LRRC7: variants seen among roughly 807,000 people sequenced by gnomAD.
The protein encoded by LRRC7 is leucine-rich repeat-containing protein 7.
Under a neutral mutation model 175.7 loss-of-function variants are expected in LRRC7, and 23 were observed. The ratio of observed to expected loss-of-function variants is 0.13; its 90% CI spans 0.09 to 0.19. The LOEUF is 0.19. LRRC7 is among the 10% of genes least tolerant of loss of function. LRRC7 has a pLI of 1.00. For missense variants in LRRC7, 1,354 were observed against 1,904.7 expected, an observed-to-expected ratio of 0.71 and a Z score of 5.38; for synonymous variants, 685 against 680.9, an observed-to-expected ratio of 1.01 and a Z score of -0.09.
chr1:69,808,854 T>C (rs753288531), intron 4 of LRRC7, among the ~76,000 whole-genome samples: 1 of 151,844 alleles, frequency 6.6e-6, no homozygotes, highest in East Asian at 1.9e-4. Flanking sequence ...TTAAGAGAAC[T>C]GGAGAAGCAA....
rs1240184272 is a variant in LRRC7 at position 70,076,221 on chromosome 1, G to T, written c.4375G>T (p.Ala1459Ser). 1 of 1,614,040 alleles carries T rather than the reference G, an allele frequency of 6.2e-7. No individual in the cohort carries two copies. Among genetic ancestry groups the T allele is most frequent in the Non-Finnish European group, 8.5e-7 (1 of 1,179,966 alleles). Reference protein sequence around the residue: ...PLPIQIPSSQATRGPQPGRCL... With the variant: ...PLPIQIPSSQSTRGPQPGRCL... ...GCCTATTCAGATCCCCTCTTCACAG[G>T]CCACCCGGGGACCTCAGCCTGGACG... The change falls in exon 24 of 27, where the codon GCC becomes TCC. Residue 1459 changes from alanine (A) to serine (S), a missense_variant. By Grantham distance (99) the Ala-to-Ser change is moderately conservative. Coordinates refer to ENST00000651989, the MANE Select transcript of LRRC7 (RefSeq NM_001370785.2).
intron 23 of LRRC7, among the ~76,000 whole-genome samples, chr1:70,075,224 G>A (rs981920082): frequency 2.0e-5 from 3 of 152,044 alleles, no homozygotes; most frequent in African/African-American, 7.2e-5. Context: ...GCATATTCTG[G>A]CTTACCAGCT....
At chr1:69,974,946 A>G (rs530261276) in intron 8 of LRRC7, among the ~76,000 whole-genome samples, 3 of 152,312 alleles carry the variant, frequency 2.0e-5, no homozygotes, top group African/African-American at 4.8e-5. Flanking sequence ...ATCTGCAGTT[A>G]TGTAAACTTC....
Position 70,143,196 on chromosome 1 carries a change from A to AGAC in LRRC7, c.*21310_*21312dup, listed in dbSNP as rs1571416646. 6.7e-6 allele frequency: 1 copy of AGAC among 149,778 alleles called. No individual in the cohort carries two copies. Among genetic ancestry groups the AGAC allele is most frequent in the Non-Finnish European group, 1.5e-5 (1 of 67,570 alleles). 9.3% of individuals were successfully genotyped at this position (149,778 alleles called of 1,614,324 possible). On this transcript the variant is annotated 3_prime_UTR_variant, in exon 27 of 27. Coordinates refer to ENST00000651989, the MANE Select transcript of LRRC7 (RefSeq NM_001370785.2). ...TATTTTAGTAAAATGAAGAGTCTCT[A>AGAC]GACTTTTTTTTTTTTTTTAATGATC...
At chr1:69,711,170 G>A (rs1664707039) in intron 2 of LRRC7, among the ~76,000 whole-genome samples, 1 of 152,162 alleles carries the variant, frequency 6.6e-6, no homozygotes, top group South Asian at 2.1e-4. Context: ...CCCTTGCTGA[G>A]GATGGCTGTG....
intron 7 of LRRC7, among the ~76,000 whole-genome samples, chr1:69,927,658 T>G (rs2101758692): frequency 6.6e-6 from 1 of 152,376 alleles, no homozygotes; most frequent in Non-Finnish European, 1.5e-5. Flanking sequence ...TTCAGCTCCA[T>G]CAGCTCCTTT....
At chr1:69,830,970 A>T (rs1166231452) in intron 5 of LRRC7, among the ~76,000 whole-genome samples, 2 of 151,972 alleles carry the variant, frequency 1.3e-5, no homozygotes, top group Non-Finnish European at 2.9e-5. Context: ...GTTCTATGTA[A>T]TAAGCCAGAT....
At chr1:69,798,503 TA>T (rs1255834537) in intron 4 of LRRC7, among the ~76,000 whole-genome samples, 1 of 152,190 alleles carries the variant, frequency 6.6e-6, no homozygotes, top group Non-Finnish European at 1.5e-5. Flanking sequence ...AAATGCTTGA[TA>T]GCTACATTAA....
intron 2 of LRRC7, among the ~76,000 whole-genome samples, chr1:69,696,464 C>T (rs1662597603): frequency 6.6e-6 from 1 of 152,038 alleles, no homozygotes; most frequent in East Asian, 1.9e-4. Flanking sequence ...GGACTTGGGA[C>T]TTTTGAATGA....
chr1:69,628,783 G>A (rs992808232), intron 1 of LRRC7, among the ~76,000 whole-genome samples: 1 of 152,146 alleles, frequency 6.6e-6, no homozygotes, highest in Non-Finnish European at 1.5e-5. Context: ...AAATAGATCA[G>A]TGGAACAGAA....
rs117698308 is a variant in LRRC7, at chr1:69,686,707, A to G, written c.100+8229A>G. Among the ~76,000 whole-genome samples, 147 of 152,268 alleles carry G rather than the reference A, an allele frequency of 9.7e-4. 4 individuals are homozygous for G. The East Asian group carries it at 0.026, about 27-fold the overall frequency. On this transcript the variant is annotated intron_variant, in intron 2 of 26. Transcript: ENST00000651989. ...AAACAAGAAACCAAGAGAACAGAACAGAAAACAAATAATAAAATTAGATGT... is the reference window on the plus strand; with the variant it reads ...AAACAAGAAACCAAGAGAACAGAACGGAAAACAAATAATAAAATTAGATGT...
chr1:69,923,706 T>G (rs1570670889), intron 7 of LRRC7, among the ~76,000 whole-genome samples: 1 of 152,134 alleles, frequency 6.6e-6, no homozygotes, highest in South Asian at 2.1e-4. Context: ...ATATTAGCCC[T>G]TTGTCAGATG....
At position 70,095,733 on chromosome 1, in the gene LRRC7, C is replaced by T. The variant is rs555973262; in HGVS notation, c.4545+5914C>T. ...GGGCATAAATGTGAAAAAGTAAGGT[C>T]ACTAAAAAGTATCAGTGTAAAGCTA... On this transcript the variant is annotated intron_variant, in intron 25 of 26. Transcript: ENST00000651989. Among the ~76,000 whole-genome samples, 4 of 152,126 alleles carry T rather than the reference C, an allele frequency of 2.6e-5. No homozygotes were observed. The South Asian group carries it at 8.3e-4, about 32-fold the overall frequency.
At chr1:69,778,520 C>T (rs1673073234) in intron 3 of LRRC7, among the ~76,000 whole-genome samples, 1 of 152,154 alleles carries the variant, frequency 6.6e-6, no homozygotes, top group Non-Finnish European at 1.5e-5. Flanking sequence ...AGTAGAGAGA[C>T]AACCAATCCT....
intron 24 of LRRC7, 138 bp from the exon 25 acceptor site, chr1:70,089,589 T>C (rs993462463): frequency 3.6e-6 from 2 of 548,602 alleles, no homozygotes; most frequent in Non-Finnish European, 6.3e-6. Flanking sequence ...GTTTATATTG[T>C]CTTTTGTGTA....
At chr1:69,813,444 G>A (rs1166023323) in intron 4 of LRRC7, among the ~76,000 whole-genome samples, 5 of 151,910 alleles carry the variant, frequency 3.3e-5, no homozygotes, top group Admixed American at 2.0e-4. Context: ...CTCTGTTCTG[G>A]GGACAATTTC....
Position 70,076,139 on chromosome 1 carries a change from G to T in LRRC7, c.4293G>T (p.Gln1431His), listed in dbSNP as rs780516582. The T allele has an allele frequency of 1.9e-6, 3 of 1,613,964 alleles. No homozygotes were observed. The change falls in exon 24 of 27, where the codon CAG becomes CAT. Residue 1431 changes from glutamine (Q) to histidine (H), a missense_variant. Gln to His is a conservative substitution (Grantham distance 24). Coordinates refer to ENST00000651989, the MANE Select transcript of LRRC7 (RefSeq NM_001370785.2). ...GCCTTCAGCATCGCAGCCGGGAGCA[G>T]CAGCCGTATGAAGGAAATATAAACA... ...SQSLQHRSREQQPYEGNINKV... is the reference protein window; with the variant it reads ...SQSLQHRSREHQPYEGNINKV...
chr1:69,962,974 G>A (rs548439778), intron 8 of LRRC7, among the ~76,000 whole-genome samples: 10 of 151,868 alleles, frequency 6.6e-5, no homozygotes, highest in East Asian at 1.9e-4. Flanking sequence ...CATGTACCCC[G>A]AACTTAAAAT....
chr1:70,028,123 G>A, intron 17 of LRRC7, 48 bp from the exon 18 acceptor site: 1 of 1,495,244 alleles, frequency 6.7e-7, no homozygotes, highest in Non-Finnish European at 9.3e-7. Context: ...TTGTGAACAT[G>A]CTTGCTGAAG....
Sources: allele counts gnomAD v4.1 joint callset (sites outside exome capture counted in the v4.1 genomes callset), GRCh38; gene constraint gnomAD v4.1.1; transcripts MANE v1.5; gene names NCBI Gene and HGNC (gene_info 2026-07-23, HGNC 2026-07-21).